ENOX1: variants seen among roughly 807,000 people sequenced by gnomAD.
ENOX1 encodes the protein ecto-NOX disulfide-thiol exchanger 1.
In ENOX1, 42 loss-of-function variants were observed where a neutral mutation model predicts 82.5. That is an observed-to-expected ratio of 0.51 (90% CI 0.40 to 0.66). The LOEUF is 0.66. Ranked by LOEUF, ENOX1 falls within the 30% of genes least tolerant of loss-of-function variation. The pLI, the probability that ENOX1 is intolerant of heterozygous loss-of-function variation, is 0.00. For synonymous variants in ENOX1, 271 were observed against 282.2 expected, an observed-to-expected ratio of 0.96 and a Z score of 0.40; for missense variants, 608 against 811.6, an observed-to-expected ratio of 0.75 and a Z score of 3.05.
chr13:43,657,454 C>A (rs2084494447), intron 2 of ENOX1, among the ~76,000 whole-genome samples: 2 of 152,152 alleles, frequency 1.3e-5, no homozygotes, highest in African/African-American at 4.8e-5. Context: ...TGCCTCTGGG[C>A]AGATAACACC....
At chr13:43,663,626 T>C (rs1038815476) in intron 2 of ENOX1, among the ~76,000 whole-genome samples, 37 of 152,158 alleles carry the variant, frequency 2.4e-4, no homozygotes, top group African/African-American at 8.7e-4. Flanking sequence ...ATATACTTGA[T>C]ACTATGCCCA....
At chr13:43,635,474 A>G (rs191164947) in intron 2 of ENOX1, among the ~76,000 whole-genome samples, 27 of 152,354 alleles carry the variant, frequency 1.8e-4, no homozygotes, top group African/African-American at 5.8e-4. Flanking sequence ...GGAAAAAAAT[A>G]TAATATAAAA....
chr13:43,332,868 T>TA (rs558311477), intron 9 of ENOX1, among the ~76,000 whole-genome samples: 51 of 147,486 alleles, frequency 3.5e-4, no homozygotes, highest in Non-Finnish European at 6.5e-4. Context: ...AGGGACGATA[T>TA]AAAAAAAAAA....
At chr13:43,380,593 A>C (rs1418821660) in intron 5 of ENOX1, among the ~76,000 whole-genome samples, 1 of 151,732 alleles carries the variant, frequency 6.6e-6, no homozygotes, top group Non-Finnish European at 1.5e-5. Context: ...GTCTAAATAA[A>C]TATCCAAAGG....
chr13:43,380,071 A>AT (rs1470967587), intron 5 of ENOX1, among the ~76,000 whole-genome samples: 1 of 151,902 alleles, frequency 6.6e-6, no homozygotes, highest in African/African-American at 2.4e-5. Flanking sequence ...CAGTAAAAAT[A>AT]CCTTTCAAAA....
chr13:43,608,975 T>C (rs1008933749), intron 2 of ENOX1, among the ~76,000 whole-genome samples: 1 of 152,210 alleles, frequency 6.6e-6, no homozygotes, highest in Admixed American at 6.5e-5. Flanking sequence ...TCACCCCTTC[T>C]AAGCTCTGCC....
chr13:43,659,560 T>C (rs2084617860), intron 2 of ENOX1, among the ~76,000 whole-genome samples: 1 of 152,170 alleles, frequency 6.6e-6, no homozygotes, highest in Non-Finnish European at 1.5e-5. Context: ...TTGCATGCTT[T>C]AGTTTTTTTC....
Position 43,213,337 on chromosome 13 carries a change from C to T in ENOX1, c.*653G>A, listed in dbSNP as rs2041273307. 6.6e-6 allele frequency among the ~76,000 whole-genome samples: 1 copy of T among 151,958 alleles called. No homozygotes were observed. The highest frequency in any genetic ancestry group is 2.4e-5 in the African/African-American group (1 of 41,386). On this transcript the variant is annotated 3_prime_UTR_variant, in exon 17 of 17. Coordinates refer to ENST00000690772, the MANE Select transcript of ENOX1 (RefSeq NM_001347969.2). ...AAGAACTTATGATGGAGAATTGTTA[C>T]ATTAGAAAAATAATATTCTTGATAA...
intron 5 of ENOX1, among the ~76,000 whole-genome samples, chr13:43,393,711 A>G (rs1332334737): frequency 6.6e-6 from 1 of 152,234 alleles, no homozygotes; most frequent in Admixed American, 6.5e-5. Flanking sequence ...ACAAGGAATA[A>G]TTGAGACTCT....
At chr13:43,339,642 T>C (rs902972917) in intron 9 of ENOX1, among the ~76,000 whole-genome samples, 3 of 152,106 alleles carry the variant, frequency 2.0e-5, no homozygotes, top group Non-Finnish European at 2.9e-5. Context: ...CAGGCTACCA[T>C]GGAATGCCAT....
chr13:43,287,467 G>A lies in ENOX1; in HGVS notation c.1446+10879C>T, dbSNP rs906284073. ...TCGTAGCAAGCCCTTACTGAGGTTG[G>A]AGGCACCTGGTCTCCAGGAGAAGAA... is the stretch of plus-strand genomic sequence containing the variant. On this transcript the variant is annotated intron_variant, in intron 12 of 16. Transcript: ENST00000690772. Among the ~76,000 whole-genome samples the A allele has an allele frequency of 6.6e-5, 10 of 152,304 alleles. 3 individuals are homozygous for A. Among genetic ancestry groups the A allele is most frequent in the Admixed American group, 6.5e-4 (10 of 15,296 alleles).
intron 9 of ENOX1, among the ~76,000 whole-genome samples, chr13:43,342,884 C>T (rs920978674): frequency 3.3e-5 from 5 of 152,164 alleles, no homozygotes; most frequent in Admixed American, 6.5e-5. Flanking sequence ...AGACATTTTG[C>T]GTTCTTTCAG....
At chr13:43,238,237 A>G (rs2042643854) in intron 14 of ENOX1, among the ~76,000 whole-genome samples, 1 of 152,222 alleles carries the variant, frequency 6.6e-6, no homozygotes, top group Admixed American at 6.5e-5. Flanking sequence ...AGATGCTCTT[A>G]CAAATCAAAA....
Position 43,541,179 on chromosome 13 carries a change from T to TTTTTTTTTTTTTTG in ENOX1, c.-218-57028_-218-57027insCAAAAAAAAAAAAA, listed in dbSNP as rs1305403826. On this transcript the variant is annotated intron_variant, in intron 2 of 16. Coordinates refer to ENST00000690772, the MANE Select transcript of ENOX1 (RefSeq NM_001347969.2). ...CCTTACACTTCTTCCCTCTGTTTTT[T>TTTTTTTTTTTTTTG]TTTTTTTTTTTTTTTTTTTGCTAAA... Among the ~76,000 whole-genome samples the TTTTTTTTTTTTTTG allele has an allele frequency of 1.8e-3, 67 of 37,284 alleles. 2 individuals carry two copies. The highest frequency in any genetic ancestry group is 6.5e-3 in the African/African-American group (63 of 9,676). 24.5% of individuals were successfully genotyped at this position (37,284 alleles called of 152,430 possible). A position where few individuals can be genotyped will look rare whatever the true frequency, so the allele number is the denominator to read the frequency against.
intron 2 of ENOX1, among the ~76,000 whole-genome samples, chr13:43,538,672 C>A (rs1158659795): frequency 6.6e-6 from 1 of 152,008 alleles, no homozygotes; most frequent in Non-Finnish European, 1.5e-5. Flanking sequence ...TTGTTAATAT[C>A]CTCTTATTAT....
At chr13:43,276,502 A>C (rs1169792695) in intron 12 of ENOX1, among the ~76,000 whole-genome samples, 1 of 152,014 alleles carries the variant, frequency 6.6e-6, no homozygotes, top group Non-Finnish European at 1.5e-5. Flanking sequence ...CTGTGTCTTC[A>C]GGTCTCCCCA....
chr13:43,327,879 T>A (rs2048203930), intron 9 of ENOX1, among the ~76,000 whole-genome samples: 1 of 152,216 alleles, frequency 6.6e-6, no homozygotes, highest in Non-Finnish European at 1.5e-5. Flanking sequence ...GAACAACTAC[T>A]TCTCAATCTA....
intron 12 of ENOX1, among the ~76,000 whole-genome samples, chr13:43,280,707 T>C (rs1033323356): frequency 4.6e-5 from 7 of 152,350 alleles, no homozygotes; most frequent in South Asian, 2.1e-4. Context: ...TGTAGAACTT[T>C]AGTGAAGTTA....
intron 12 of ENOX1, among the ~76,000 whole-genome samples, chr13:43,278,232 T>G (rs950967897): frequency 2.0e-5 from 3 of 152,196 alleles, no homozygotes; most frequent in Non-Finnish European, 4.4e-5. Context: ...AACAAACATT[T>G]TATGTGGCAA....
Sources: allele counts gnomAD v4.1 joint callset (sites outside exome capture counted in the v4.1 genomes callset), GRCh38; gene constraint gnomAD v4.1.1; transcripts MANE v1.5; gene names NCBI Gene and HGNC (gene_info 2026-07-23, HGNC 2026-07-21).